IL22RA1: variants seen among roughly 807,000 people sequenced by gnomAD.
IL22RA1 encodes interleukin 22 receptor subunit alpha 1, also known as interleukin-22 receptor subunit alpha-1.
Under a neutral mutation model 32.8 loss-of-function variants are expected in IL22RA1, and 25 were observed. The ratio of observed to expected loss-of-function variants is 0.76; its 90% CI spans 0.55 to 1.06. The LOEUF (loss-of-function observed/expected upper bound fraction) is 1.06, where lower values mean the gene tolerates loss of function less well. IL22RA1 is among the 50% of genes least tolerant of loss of function. IL22RA1 has a pLI of 0.00. For synonymous variants in IL22RA1, 305 were observed against 305.0 expected (o/e 1.00, Z 0.00); for missense variants, 709 against 727.4 (o/e 0.97, Z 0.29).
intron 4 of IL22RA1, among the ~76,000 whole-genome samples, chr1:24,133,274 A>G (rs531439056): frequency 1.3e-5 from 2 of 152,002 alleles, no homozygotes; most frequent in East Asian, 1.9e-4. Flanking sequence ...TTGGCTTCCT[A>G]AAAGTTTTCT....
intron 1 of IL22RA1, among the ~76,000 whole-genome samples, chr1:24,141,725 G>A (rs887779380): frequency 2.0e-5 from 3 of 152,282 alleles, no homozygotes; most frequent in Non-Finnish European, 2.9e-5. Context: ...TCCTCAGCCT[G>A]TGTTGCTTCG....
intron 4 of IL22RA1, among the ~76,000 whole-genome samples, chr1:24,132,789 C>T (rs1644215242): frequency 6.6e-6 from 1 of 151,646 alleles, no homozygotes; most frequent in Admixed American, 6.5e-5. Flanking sequence ...TCTCTTGAGC[C>T]CAGGAGTTTG....
rs1644111222 is a variant in IL22RA1, at chr1:24,120,361, C to T, written c.*444G>A. 1 of 155,548 alleles carries T rather than the reference C, an allele frequency of 6.4e-6. No homozygotes were observed. Among genetic ancestry groups the T allele is most frequent in the Admixed American group, 6.4e-5 (1 of 15,536 alleles). 9.6% of individuals were successfully genotyped at this position (155,548 alleles called of 1,614,324 possible). On this transcript the variant is annotated 3_prime_UTR_variant, in exon 7 of 7. Coordinates refer to ENST00000270800, the MANE Select transcript of IL22RA1 (RefSeq NM_021258.4). ...GGTTCTTTTCCAGGCTCTCTTCCCA[C>T]CTTTGAACAATGACAGAAGAGGCAG...
intron 4 of IL22RA1, among the ~76,000 whole-genome samples, chr1:24,128,525 A>G (rs1195726976): frequency 1.4e-5 from 1 of 73,764 alleles, no homozygotes; most frequent in African/African-American, 3.2e-5. Context: ...TAATGTGGTT[A>G]TATACATATA....
intron 2 of IL22RA1, among the ~76,000 whole-genome samples, chr1:24,137,982 T>C (rs900443421): frequency 1.3e-5 from 2 of 152,086 alleles, no homozygotes; most frequent in African/African-American, 2.4e-5. Context: ...GTTATCCCCA[T>C]TTTACAGATG....
In IL22RA1 at chr1:24,138,593, G is replaced by T; in HGVS notation, c.165C>A (p.Ile55=). ...AGAGAGAAGCCTACGTCTTATACTC[G>T]ATGCTGTAGACCGTGTCTGGGGTGC... The part of the protein sequence containing the change: ...PEGTPDTVYS[I]EYKTYGERDW... Residue 55 remains isoleucine, a synonymous_variant, in exon 2 of 7, where the codon ATC becomes ATA. Coordinates refer to ENST00000270800, the MANE Select transcript of IL22RA1 (RefSeq NM_021258.4). 6.2e-7 allele frequency: 1 copy of T among 1,614,132 alleles called. No individual in the cohort carries two copies. The highest frequency in any genetic ancestry group is 8.5e-7 in the Non-Finnish European group (1 of 1,180,010).
rs764265917 is a variant in IL22RA1, at chr1:24,138,632, G to C, written c.126C>G (p.Asp42Glu). 3 of 1,614,158 alleles carry C rather than the reference G, an allele frequency of 1.9e-6. No homozygotes were observed. In the South Asian group the frequency reaches 3.3e-5, roughly 18 times the overall value. The change falls in exon 2 of 7, where the codon GAC (aspartate) becomes GAG (glutamate). Residue 42 changes from aspartate to glutamate, a missense_variant. Coordinates refer to ENST00000270800, the MANE Select transcript of IL22RA1 (RefSeq NM_021258.4). ...SSNFENILTW[D>E]SGPEGTPDTV... is the part of the protein sequence containing the mutation. ...TGTCTGGGGTGCCCTCCGGCCCGCT[G>C]TCCCACGTCAGGATGTTTTCAAAGT...
chr1:24,124,167 T>G (rs1031522937), intron 5 of IL22RA1, among the ~76,000 whole-genome samples: 1 of 152,100 alleles, frequency 6.6e-6, no homozygotes, highest in Non-Finnish European at 1.5e-5. Context: ...CCTTCTAAAG[T>G]GCTGGGTGCA....
In IL22RA1 at chr1:24,123,630, T is replaced by C. The variant is rs952040418; in HGVS notation, c.671-207A>G. ...ATTTACAAATTATATTTTTACACTGTTAAATAAATAAAATGTTCGAGGTTT... is the reference window on the plus strand; with the variant it reads ...ATTTACAAATTATATTTTTACACTGCTAAATAAATAAAATGTTCGAGGTTT... On this transcript the variant is annotated intron_variant, in intron 5 of 6. Transcript: ENST00000270800. 5 of 1,159,998 alleles carry C rather than the reference T, an allele frequency of 4.3e-6. No individual in the cohort carries two copies. The African/African-American group carries it at 6.2e-5, about 14-fold the overall frequency. 71.9% of individuals were successfully genotyped at this position (1,159,998 alleles called of 1,614,324 possible).
chr1:24,132,579 G>A (rs1433980193), intron 4 of IL22RA1, among the ~76,000 whole-genome samples: 3 of 151,878 alleles, frequency 2.0e-5, no homozygotes, highest in Non-Finnish European at 2.9e-5. Context: ...TGATCCGCCC[G>A]CCTCGGCCTC....
rs905873042 is a variant in IL22RA1, at chr1:24,137,276, G to T, written c.210C>A (p.Gly70=). 1 of 1,614,140 alleles carries T rather than the reference G, an allele frequency of 6.2e-7. No homozygotes were observed. The highest frequency in any genetic ancestry group is 1.1e-5 in the South Asian group (1 of 91,080). ...AGGACTTCCGGGTGATCCGCTGACAGCCCTTCTTTGCCACCCAGTCCCTCT... is the reference window on the plus strand; with the variant it reads ...AGGACTTCCGGGTGATCCGCTGACATCCCTTCTTTGCCACCCAGTCCCTCT... The part of the protein sequence containing the change: ...YGERDWVAKK[G]CQRITRKSCN... Residue 70 remains glycine (G), a synonymous_variant, in exon 3 of 7, where the codon GGC becomes GGA. Coordinates refer to ENST00000270800, the MANE Select transcript of IL22RA1 (RefSeq NM_021258.4).
chr1:24,122,689 T>C (rs1277045362), intron 6 of IL22RA1, among the ~76,000 whole-genome samples: 3 of 151,850 alleles, frequency 2.0e-5, no homozygotes. Flanking sequence ...TCCCAGCTAC[T>C]TGGGAGGATG....
intron 1 of IL22RA1, among the ~76,000 whole-genome samples, chr1:24,139,032 C>G (rs1465329169): frequency 6.6e-6 from 1 of 152,236 alleles, no homozygotes; most frequent in Non-Finnish European, 1.5e-5. Flanking sequence ...ATTTTCACAA[C>G]GTTGTGCAAT....
At chr1:24,133,648 C>A (rs996736027) in intron 4 of IL22RA1, among the ~76,000 whole-genome samples, 1 of 152,128 alleles carries the variant, frequency 6.6e-6, no homozygotes, top group African/African-American at 2.4e-5. Context: ...GAAATTGATT[C>A]TAGCATTTTC....
In IL22RA1 at chr1:24,121,630, C is replaced by T. The variant is rs759667697; in HGVS notation, c.900G>A (p.Gln300=). ...GTCCAGACACCCTGATCTGGGAGTA[C>T]TGGACAGGCTGGGCCAGACTGCTGG... ...SGPSSLAQPV[Q]YSQIRVSGPR... Residue 300 remains glutamine, a synonymous_variant, in exon 7 of 7, where the codon CAG becomes CAA. Coordinates refer to ENST00000270800, the MANE Select transcript of IL22RA1 (RefSeq NM_021258.4). The T allele has an allele frequency of 1.9e-6, 3 of 1,612,572 alleles. No individual in the cohort carries two copies. Among genetic ancestry groups the T allele is most frequent in the Non-Finnish European group, 2.5e-6 (3 of 1,179,096 alleles).
At chr1:24,138,774 T>C in intron 1 of IL22RA1, 60 bp from the exon 2 acceptor site, 1 of 1,586,722 alleles carries the variant, frequency 6.3e-7, no homozygotes, top group Non-Finnish European at 8.6e-7. Context: ...TGCCCATGTA[T>C]GGGCTCAGTC....
In IL22RA1 at chr1:24,142,110, A is replaced by G. The variant is rs1463622881; in HGVS notation, c.43+930T>C. Among the ~76,000 whole-genome samples, 4 of 152,124 alleles carry G rather than the reference A, an allele frequency of 2.6e-5. No individual in the cohort carries two copies. The East Asian group carries it at 7.7e-4, about 29-fold the overall frequency. Reference sequence around the variant, plus strand: ...TTGGTGCCTCAAGGGGGTGCCTCACATCTTCCTGGAACGCCCAGCTTGATG... The same window carrying G: ...TTGGTGCCTCAAGGGGGTGCCTCACGTCTTCCTGGAACGCCCAGCTTGATG... On this transcript the variant is annotated intron_variant, in intron 1 of 6. Coordinates refer to ENST00000270800, the MANE Select transcript of IL22RA1 (RefSeq NM_021258.4).
At chr1:24,131,434 T>A (rs1644204098) in intron 4 of IL22RA1, among the ~76,000 whole-genome samples, 1 of 152,212 alleles carries the variant, frequency 6.6e-6, no homozygotes, top group Admixed American at 6.5e-5. Context: ...TAAAAACATA[T>A]ATTATGCAAA....
intron 6 of IL22RA1, among the ~76,000 whole-genome samples, chr1:24,122,172 T>C (rs1644128912): frequency 6.6e-6 from 1 of 152,142 alleles, no homozygotes; most frequent in African/African-American, 2.4e-5. Flanking sequence ...AAATGCTTCA[T>C]CTGGACTTGC....
Sources: gnomAD v4.1 joint callset for allele counts (sites outside exome capture counted in the v4.1 genomes callset) on GRCh38, gnomAD v4.1.1 for gene constraint, MANE v1.5 for transcripts, NCBI Gene and HGNC (gene_info 2026-07-23, HGNC 2026-07-21) for gene names.